ASTN2: variants seen among roughly 807,000 people sequenced by gnomAD.
The protein encoded by ASTN2 is astrotactin-2.
A neutral mutation model predicts 139.8 loss-of-function variants in ASTN2; 54 were observed. The ratio of observed to expected loss-of-function variants is 0.39; its 90% CI spans 0.31 to 0.48. The LOEUF (loss-of-function observed/expected upper bound fraction) is 0.48, where lower values mean the gene tolerates loss of function less well. Among genes scored for constraint, ASTN2 ranks in the 20% least tolerant of loss-of-function variants. ASTN2 has a pLI of 0.95. For missense variants in ASTN2, 1,565 were observed against 1,725.1 expected, an observed-to-expected ratio of 0.91 and a Z score of 1.64; for synonymous variants, 756 against 719.5, an observed-to-expected ratio of 1.05 and a Z score of -0.81.
intron 9 of ASTN2, 48 bp downstream of exon 9, chr9:116,976,066 C>T (rs771402422): frequency 2.4e-5 from 38 of 1,569,344 alleles, no homozygotes; most frequent in Non-Finnish European, 3.2e-5. Context: ...TCCTATCAGT[C>T]CTTTCTCCAT....
chr9:116,932,622 G>T (rs559223626), intron 10 of ASTN2, among the ~76,000 whole-genome samples: 1 of 152,210 alleles, frequency 6.6e-6, no homozygotes, highest in East Asian at 1.9e-4. Context: ...AGACATCAGG[G>T]ACGCAGGAAC....
At chr9:116,438,080 T>C (rs554117544) in intron 22 of ASTN2, among the ~76,000 whole-genome samples, 1 of 152,266 alleles carries the variant, frequency 6.6e-6, no homozygotes, top group South Asian at 2.1e-4. Flanking sequence ...ATACCCTACA[T>C]GGTCATTTTG....
chr9:117,349,179 C>T (rs974297075), intron 1 of ASTN2, among the ~76,000 whole-genome samples: 5 of 152,126 alleles, frequency 3.3e-5, no homozygotes, highest in East Asian at 1.9e-4. Context: ...AGGAAGCTGC[C>T]GGGGCGGGTG....
chr9:116,743,934 T>C (rs951953814), intron 13 of ASTN2, among the ~76,000 whole-genome samples: 2 of 152,206 alleles, frequency 1.3e-5, no homozygotes, highest in Non-Finnish European at 2.9e-5. Flanking sequence ...ACTGTGAGAA[T>C]GGATGGTTAT....
chr9:117,190,378 T>C (rs944725566), intron 3 of ASTN2, among the ~76,000 whole-genome samples: 3 of 152,178 alleles, frequency 2.0e-5, no homozygotes, highest in Admixed American at 1.3e-4. Flanking sequence ...ACAATCTCTA[T>C]TCTCTGCTCT....
At chr9:116,965,679 C>A (rs1030001675) in intron 10 of ASTN2, among the ~76,000 whole-genome samples, 3 of 152,190 alleles carry the variant, frequency 2.0e-5, no homozygotes, top group Non-Finnish European at 2.9e-5. Context: ...TGATGTCATT[C>A]CAATAGAGTT....
intron 19 of ASTN2, among the ~76,000 whole-genome samples, chr9:116,529,378 C>T (rs902941211): frequency 6.6e-6 from 1 of 152,102 alleles, no homozygotes; most frequent in Non-Finnish European, 1.5e-5. Flanking sequence ...CAATTTCTCC[C>T]ATTTGTAATG....
intron 10 of ASTN2, among the ~76,000 whole-genome samples, chr9:116,943,771 A>G (rs962836145): frequency 1.3e-5 from 2 of 152,202 alleles, no homozygotes; most frequent in African/African-American, 2.4e-5. Context: ...CATGGCCAGC[A>G]TGTTCCATTC....
intron 16 of ASTN2, among the ~76,000 whole-genome samples, chr9:116,722,040 C>T (rs1828486420): frequency 6.6e-6 from 1 of 152,176 alleles, no homozygotes; most frequent in African/African-American, 2.4e-5. Context: ...AGAATTGGCA[C>T]ATGAAAGCTA....
At chr9:117,267,811 G>A (rs1833969718) in intron 2 of ASTN2, among the ~76,000 whole-genome samples, 1 of 152,096 alleles carries the variant, frequency 6.6e-6, no homozygotes, top group African/African-American at 2.4e-5. Flanking sequence ...GGGAGGAGCG[G>A]GGAGTGATTT....
At chr9:116,677,835 T>A (rs1237861482) in intron 16 of ASTN2, among the ~76,000 whole-genome samples, 1 of 152,228 alleles carries the variant, frequency 6.6e-6, no homozygotes, top group African/African-American at 2.4e-5. Context: ...TAGAAAGGCA[T>A]GCTTTCCTGG....
chr9:116,467,645 T>C (rs1263270194), intron 20 of ASTN2, among the ~76,000 whole-genome samples: 3 of 152,246 alleles, frequency 2.0e-5, no homozygotes, highest in Non-Finnish European at 2.9e-5. Flanking sequence ...TTCCCAGTTA[T>C]ATAAGCAGAT....
intron 5 of ASTN2, among the ~76,000 whole-genome samples, chr9:117,054,312 G>T (rs1838996904): frequency 6.6e-6 from 1 of 152,174 alleles, no homozygotes; most frequent in African/African-American, 2.4e-5. Context: ...TTGAATATAG[G>T]CTCTGCCATT....
At chr9:117,344,620 G>A (rs2130869819) in intron 1 of ASTN2, among the ~76,000 whole-genome samples, 1 of 152,252 alleles carries the variant, frequency 6.6e-6, no homozygotes, top group East Asian at 1.9e-4. Context: ...GCAGCTCCTT[G>A]TATGAGAAGA....
At chr9:116,549,857 T>A (rs1852266794) in intron 19 of ASTN2, among the ~76,000 whole-genome samples, 1 of 152,014 alleles carries the variant, frequency 6.6e-6, no homozygotes. Flanking sequence ...ATGGTTCCCC[T>A]CCATGCTTTC....
chr9:116,874,372 G>C (rs1408327965), intron 10 of ASTN2, among the ~76,000 whole-genome samples: 1 of 152,180 alleles, frequency 6.6e-6, no homozygotes, highest in East Asian at 1.9e-4. Context: ...TGCATGCCTA[G>C]AGTCCTCCTC....
At chr9:117,168,175 C>A (rs1263872987) in intron 3 of ASTN2, among the ~76,000 whole-genome samples, 1 of 151,920 alleles carries the variant, frequency 6.6e-6, no homozygotes, top group Middle Eastern at 3.2e-3. Flanking sequence ...GGAGCTAAAA[C>A]AATAGGAGGG....
Position 116,442,559 on chromosome 9 carries a change from G to A in ASTN2, c.3498-6C>T, listed in dbSNP as rs1228916413. 1 of 1,613,696 alleles carries A rather than the reference G, an allele frequency of 6.2e-7. No homozygotes were observed. Among genetic ancestry groups the A allele is most frequent in the Admixed American group, 1.7e-5 (1 of 60,026 alleles). On this transcript the variant is annotated splice_region_variant and splice_polypyrimidine_tract_variant and intron_variant, in intron 20 of 22. Transcript: ENST00000313400. ...CCACAGCATACAGAGTGAACCTGCA[G>A]CACAGCAAGAAAACAGAGCACCAGG... is the stretch of plus-strand genomic sequence containing the variant.
intron 3 of ASTN2, chr9:117,180,815 C>A: frequency 1.3e-6 from 2 of 1,543,020 alleles, no homozygotes. Context: ...AATTCATCAA[C>A]ATTGAACTTG....
Sources: gnomAD v4.1 joint callset for allele counts (sites outside exome capture counted in the v4.1 genomes callset) on GRCh38, gnomAD v4.1.1 for gene constraint, MANE v1.5 for transcripts, NCBI Gene and HGNC (gene_info 2026-07-23, HGNC 2026-07-21) for gene names.